MEOX2: variants seen among roughly 807,000 people sequenced by gnomAD.
MEOX2 encodes the protein homeobox protein MOX-2.
Under a neutral mutation model 27.0 loss-of-function variants are expected in MEOX2, and 11 were observed. The ratio of observed to expected loss-of-function variants is 0.41; its 90% confidence interval spans 0.26 to 0.68. The LOEUF (loss-of-function observed/expected upper bound fraction) is 0.68. Ranked by LOEUF, MEOX2 falls within the 30% of genes least tolerant of loss-of-function variation. MEOX2 has a pLI of 0.33. For synonymous variants in MEOX2, 189 were observed against 155.4 expected (o/e 1.22, Z -1.61); for missense variants, 436 against 385.4 (o/e 1.13, Z -1.10).
intron 1 of MEOX2, among the ~76,000 whole-genome samples, chr7:15,665,788 C>T (rs943696578): frequency 2.6e-5 from 4 of 152,138 alleles, no homozygotes. Flanking sequence ...TATCTTTACC[C>T]TTATTGCTGA....
chr7:15,621,483 A>C (rs1781222360), intron 2 of MEOX2, among the ~76,000 whole-genome samples: 1 of 152,208 alleles, frequency 6.6e-6, no homozygotes, highest in Non-Finnish European at 1.5e-5. Context: ...CAAATGTAAG[A>C]GTGTGACATC....
intron 2 of MEOX2, among the ~76,000 whole-genome samples, chr7:15,624,357 G>T (rs1216726779): frequency 1.3e-5 from 2 of 152,132 alleles, no homozygotes; most frequent in African/African-American, 4.8e-5. Context: ...TATCTCTCAT[G>T]TTCTGTGTTA....
At chr7:15,617,890 T>C (rs74707316) in intron 2 of MEOX2, among the ~76,000 whole-genome samples, 9,742 of 152,126 alleles carry the variant, frequency 0.064, 374 homozygotes, top group Middle Eastern at 0.13. Flanking sequence ...ATTTCATATG[T>C]TTTTAAAACA....
chr7:15,673,402 G>A (rs371281890), intron 1 of MEOX2, among the ~76,000 whole-genome samples: 1 of 151,952 alleles, frequency 6.6e-6, no homozygotes, highest in Non-Finnish European at 1.5e-5. Context: ...ATATATTACA[G>A]GCTATGGGAT....
chr7:15,649,304 G>A (rs1781696791), intron 1 of MEOX2, among the ~76,000 whole-genome samples: 1 of 152,040 alleles, frequency 6.6e-6, no homozygotes, highest in African/African-American at 2.4e-5. Context: ...TCATTAAGGA[G>A]CTTATAAAAA....
intron 2 of MEOX2, among the ~76,000 whole-genome samples, chr7:15,620,455 C>G (rs1781204694): frequency 6.6e-6 from 1 of 152,068 alleles, no homozygotes; most frequent in South Asian, 2.1e-4. Flanking sequence ...GTAGTCCCAA[C>G]TACTCTACTC....
chr7:15,660,520 C>T (rs1781895356), intron 1 of MEOX2, among the ~76,000 whole-genome samples: 1 of 152,096 alleles, frequency 6.6e-6, no homozygotes, highest in African/African-American at 2.4e-5. Flanking sequence ...AGATATTTAG[C>T]AGCTTCTGTG....
intron 1 of MEOX2, among the ~76,000 whole-genome samples, chr7:15,664,616 T>A (rs1781969310): frequency 6.6e-6 from 1 of 152,178 alleles, no homozygotes; most frequent in African/African-American, 2.4e-5. Flanking sequence ...AATTTAAAAA[T>A]AAAAATACTT....
Position 15,686,409 on chromosome 7 carries a change from C to T in MEOX2, c.-7G>A, listed in dbSNP as rs1327011411. On this transcript the variant is annotated 5_prime_UTR_variant, in exon 1 of 3. Transcript: ENST00000262041. The stretch of plus-strand genomic sequence containing the variant: ...CAAAGAGCGGGTGTTCCATAGCATG[C>T]AAGTTTCGGGTTCCAGGCAGAAGAC... 2 of 1,560,498 alleles carry T rather than the reference C, an allele frequency of 1.3e-6. No homozygotes were observed. Among genetic ancestry groups the T allele is most frequent in the Non-Finnish European group, 1.7e-6 (2 of 1,151,562 alleles).
At chr7:15,664,607 AT>A (rs1351324820) in intron 1 of MEOX2, among the ~76,000 whole-genome samples, 1 of 152,222 alleles carries the variant, frequency 6.6e-6, no homozygotes. Context: ...ATATGAAATA[AT>A]TTAAAAATAA....
At chr7:15,627,347 C>T (rs1781328464) in intron 1 of MEOX2, among the ~76,000 whole-genome samples, 1 of 151,940 alleles carries the variant, frequency 6.6e-6, no homozygotes, top group African/African-American at 2.4e-5. Flanking sequence ...TTGAGAAATT[C>T]AAACGTTTAG....
chr7:15,686,249 C>G lies in MEOX2; in HGVS notation c.154G>C (p.Gly52Arg), dbSNP rs200609553. The change falls in exon 1 of 3, where the codon GGA becomes CGA. Residue 52 changes from glycine to arginine, a missense_variant. Coordinates refer to ENST00000262041, the MANE Select transcript of MEOX2 (RefSeq NM_005924.5). ...STSSSSCIIA[G>R]YPNEEGMFAS... ...AACATGCCCTCTTCGTTGGGGTATC[C>G]CGCGATTATGCAAGATGAGGAAGAA... The G allele has an allele frequency of 6.2e-7, 1 of 1,612,732 alleles. No individual in the cohort carries two copies. The highest frequency in any genetic ancestry group is 2.2e-5 in the East Asian group (1 of 44,778).
intron 1 of MEOX2, among the ~76,000 whole-genome samples, chr7:15,673,326 A>G (rs1031634238): frequency 6.6e-6 from 1 of 152,144 alleles, no homozygotes; most frequent in Non-Finnish European, 1.5e-5. Flanking sequence ...TAGTGTAGGG[A>G]GGTAGTGATC....
rs36039604 is a variant in MEOX2 at position 15,672,091 on chromosome 7, T to TA, written c.517+13794dup. On this transcript the variant is annotated intron_variant, in intron 1 of 2. Coordinates refer to ENST00000262041, the MANE Select transcript of MEOX2 (RefSeq NM_005924.5). ...CTGGGTGACAGAGCAAGACTCCGTT[T>TA]AAAAAAAAACAAAAAAAACAAAAAA... Among the ~76,000 whole-genome samples the TA allele has an allele frequency of 5.8e-3, 860 of 149,534 alleles. 10 individuals carry two copies. The highest frequency in any genetic ancestry group is 0.019 in the African/African-American group (786 of 40,328).
rs368420021 is a variant in MEOX2, at chr7:15,671,987, G to A, written c.517+13899C>T. Among the ~76,000 whole-genome samples the A allele has an allele frequency of 2.4e-4, 36 of 151,948 alleles. No individual in the cohort carries two copies. In the East Asian group the frequency reaches 5.1e-3, roughly 21 times the overall value. On this transcript the variant is annotated intron_variant, in intron 1 of 2. Transcript: ENST00000262041. ...GCATGCCTGTGATCCCAGCTGCGTG[G>A]GTGGCTGAGGAAGGAGAATCACTTG...
chr7:15,647,880 A>G (rs996120269), intron 1 of MEOX2, among the ~76,000 whole-genome samples: 1 of 152,102 alleles, frequency 6.6e-6, no homozygotes, highest in Non-Finnish European at 1.5e-5. Flanking sequence ...TAAAGAAATG[A>G]CTTCAGAACT....
At chr7:15,645,159 C>A (rs1292305514) in intron 1 of MEOX2, among the ~76,000 whole-genome samples, 1 of 152,196 alleles carries the variant, frequency 6.6e-6, no homozygotes, top group Admixed American at 6.5e-5. Flanking sequence ...ATCTATAAAA[C>A]TGATAATATT....
chr7:15,624,385 C>T (rs1283279803), intron 2 of MEOX2, among the ~76,000 whole-genome samples: 2 of 152,142 alleles, frequency 1.3e-5, no homozygotes, highest in African/African-American at 4.8e-5. Flanking sequence ...CCCTGTGATG[C>T]TGTGGTTAGA....
At chr7:15,632,623 A>G (rs1474331859) in intron 1 of MEOX2, among the ~76,000 whole-genome samples, 1 of 151,968 alleles carries the variant, frequency 6.6e-6, no homozygotes, top group Non-Finnish European at 1.5e-5. Context: ...TTTAAAGGCC[A>G]GAGACACATA....
Sources: gnomAD v4.1 joint callset for allele counts (sites outside exome capture counted in the v4.1 genomes callset) on GRCh38, gnomAD v4.1.1 for gene constraint, MANE v1.5 for transcripts, NCBI Gene and HGNC (gene_info 2026-07-23, HGNC 2026-07-21) for gene names.